The following MAF variants were observed in gnomAD, a reference collection of about 807,000 sequenced individuals.
The protein encoded by MAF is MAF bZIP transcription factor.
In MAF, 10 loss-of-function variants were observed where a neutral mutation model predicts 22.0. The observed-to-expected ratio is 0.45, with a 90% CI of 0.28 to 0.77. The LOEUF (loss-of-function observed/expected upper bound fraction) is 0.77. Among genes scored for constraint, MAF ranks in the 30% least tolerant of loss-of-function variants. The pLI is 0.12. For synonymous variants in MAF, 337 were observed against 255.8 expected (o/e 1.32, Z -3.03); for missense variants, 544 against 548.4 (o/e 0.99, Z 0.08).
chr16:79,295,088 G>T, the MAF span, among the ~76,000 whole-genome samples: 1 of 151,632 alleles, frequency 6.6e-6, no homozygotes, highest in Non-Finnish European at 1.5e-5. Flanking sequence ...CTTTTTTTGG[G>T]GGTGGGGGAG....
chr16:79,588,219 G>C (rs1016806224), intron 1 of MAF, among the ~76,000 whole-genome samples: 1 of 152,138 alleles, frequency 6.6e-6, no homozygotes, highest in Non-Finnish European at 1.5e-5. Flanking sequence ...AAAACGTGTT[G>C]CAGGCTGTCA....
At chr16:79,326,399 T>C in the MAF span, among the ~76,000 whole-genome samples, 1 of 152,216 alleles carries the variant, frequency 6.6e-6, no homozygotes, top group Non-Finnish European at 1.5e-5. Flanking sequence ...CATTTAAACT[T>C]TTTCCATCCC....
the MAF span, among the ~76,000 whole-genome samples, chr16:79,578,797 C>T: frequency 5.3e-5 from 8 of 152,148 alleles, no homozygotes; most frequent in African/African-American, 1.9e-4. Context: ...ATAAATATTT[C>T]AGGCGACCAG....
chr16:79,250,364 A>G, the MAF span, among the ~76,000 whole-genome samples: 1 of 152,256 alleles, frequency 6.6e-6, no homozygotes, highest in Non-Finnish European at 1.5e-5. Flanking sequence ...AAGAAGGTCA[A>G]ACTGACCTCT....
the MAF span, among the ~76,000 whole-genome samples, chr16:79,273,220 C>T: frequency 6.6e-6 from 1 of 152,114 alleles, no homozygotes; most frequent in African/African-American, 2.4e-5. Context: ...GGCCCCAACC[C>T]CGGCTGAGAC....
the MAF span, among the ~76,000 whole-genome samples, chr16:79,287,332 C>A: frequency 6.6e-6 from 1 of 152,334 alleles, no homozygotes; most frequent in African/African-American, 2.4e-5. Flanking sequence ...GGAAGCACTC[C>A]CGGGCCCTCG....
At chr16:79,352,397 G>T in the MAF span, among the ~76,000 whole-genome samples, 1 of 152,132 alleles carries the variant, frequency 6.6e-6, no homozygotes, top group Non-Finnish European at 1.5e-5. Context: ...ATAGCACTGA[G>T]GTGGGGTCAG....
the MAF span, among the ~76,000 whole-genome samples, chr16:79,331,138 A>G: frequency 3.3e-5 from 5 of 152,228 alleles, no homozygotes. Context: ...AAGTGGATCC[A>G]CAATGAAATC....
At chr16:79,416,108 C>T in the MAF span, among the ~76,000 whole-genome samples, 2 of 152,116 alleles carry the variant, frequency 1.3e-5, no homozygotes, top group African/African-American at 4.8e-5. Flanking sequence ...TGGGCTGCAG[C>T]TGCTGTGTGT....
At chr16:79,458,778 T>A in the MAF span, among the ~76,000 whole-genome samples, 1 of 152,194 alleles carries the variant, frequency 6.6e-6, no homozygotes, top group South Asian at 2.1e-4. Context: ...ACCCTTTGCA[T>A]TTGCCAAAGG....
chr16:79,495,240 T>C, the MAF span, among the ~76,000 whole-genome samples: 4 of 152,168 alleles, frequency 2.6e-5, no homozygotes, highest in South Asian at 2.1e-4. Flanking sequence ...GGTGAGAGGA[T>C]TGCTTGAAAC....
chr16:79,561,326 TTA>T, the MAF span, among the ~76,000 whole-genome samples: 1 of 152,046 alleles, frequency 6.6e-6, no homozygotes, highest in African/African-American at 2.4e-5. Context: ...TTTTTTTTTT[TTA>T]TATATACTTT....
chr16:79,512,335 C>G, the MAF span, among the ~76,000 whole-genome samples: 2 of 152,184 alleles, frequency 1.3e-5, no homozygotes, highest in African/African-American at 4.8e-5. Context: ...CAAGCCAGCT[C>G]AGGGTACTGG....
the MAF span, among the ~76,000 whole-genome samples, chr16:79,533,213 A>G: frequency 2.6e-5 from 4 of 152,298 alleles, no homozygotes; most frequent in African/African-American, 4.8e-5. Flanking sequence ...TCTTATCAAC[A>G]TAAGAGTTGC....
chr16:79,329,735 A>G, the MAF span, among the ~76,000 whole-genome samples: 8 of 152,246 alleles, frequency 5.3e-5, no homozygotes, highest in South Asian at 1.5e-3. Context: ...ATCTTAGAAA[A>G]CTGTACTATT....
the MAF span, among the ~76,000 whole-genome samples, chr16:79,530,534 T>G: frequency 0.067 from 10,143 of 152,282 alleles, 524 homozygotes; most frequent in Non-Finnish European, 0.088. Flanking sequence ...TTTAAGGACA[T>G]TATTCATTTT....
chr16:79,521,569 T>A, the MAF span, among the ~76,000 whole-genome samples: 1 of 152,138 alleles, frequency 6.6e-6, no homozygotes, highest in African/African-American at 2.4e-5. Flanking sequence ...AACAAGACCC[T>A]CCTTCTTCTA....
At chr16:79,281,224 G>GAAAA in the MAF span, among the ~76,000 whole-genome samples, 88 of 143,044 alleles carry the variant, frequency 6.2e-4, no homozygotes, top group Admixed American at 1.7e-3. Context: ...GTTTCAATAT[G>GAAAA]AAAAAAAAAA....
At chr16:79,517,334 G>A in the MAF span, among the ~76,000 whole-genome samples, 3 of 152,008 alleles carry the variant, frequency 2.0e-5, no homozygotes, top group Non-Finnish European at 4.4e-5. Flanking sequence ...AAGACAGACA[G>A]ACATGCCGAT....
Sources: allele counts gnomAD v4.1 joint callset (sites outside exome capture counted in the v4.1 genomes callset), GRCh38; gene constraint gnomAD v4.1.1; transcripts MANE v1.5; gene names NCBI Gene and HGNC (gene_info 2026-07-23, HGNC 2026-07-21).